UNC13C: variants seen among roughly 807,000 people sequenced by gnomAD.
UNC13C encodes unc-13 homolog C.
In UNC13C, 174 loss-of-function variants were observed where a neutral mutation model predicts 245.4. The observed-to-expected ratio is 0.71, with a 90% CI of 0.63 to 0.80. The LOEUF is 0.80. Among genes scored for constraint, UNC13C ranks in the 30% least tolerant of loss-of-function variants. UNC13C has a pLI of 0.00. For missense variants in UNC13C, 2,829 were observed against 2,602.9 expected (o/e 1.09, Z -1.89); for synonymous variants, 992 against 895.1 (o/e 1.11, Z -1.93).
At chr15:54,558,615 G>GAA (rs1897180602) in intron 29 of UNC13C, among the ~76,000 whole-genome samples, 1 of 151,738 alleles carries the variant, frequency 6.6e-6, no homozygotes, top group South Asian at 2.1e-4. Flanking sequence ...ACTTTAATTG[G>GAA]ACTGGAACTA....
At chr15:54,124,525 G>C in intron 2 of UNC13C, among the ~76,000 whole-genome samples, 1 of 152,058 alleles carries the variant, frequency 6.6e-6, no homozygotes, top group Non-Finnish European at 1.5e-5. Context: ...ACATATTACA[G>C]AAACTAGTCC....
chr15:54,542,863 C>T (rs767567845), intron 26 of UNC13C, among the ~76,000 whole-genome samples: 1 of 152,102 alleles, frequency 6.6e-6, no homozygotes, highest in African/African-American at 2.4e-5. Flanking sequence ...TAATATTCCT[C>T]CATTCCTTTA....
the UNC13C span, among the ~76,000 whole-genome samples, chr15:53,881,871 A>G: frequency 6.6e-6 from 1 of 152,208 alleles, no homozygotes; most frequent in Admixed American, 6.5e-5. Context: ...CATCATGCCT[A>G]TAACCCACAT....
chr15:54,582,097 A>G (rs1898228029), intron 30 of UNC13C, among the ~76,000 whole-genome samples: 1 of 151,612 alleles, frequency 6.6e-6, no homozygotes, highest in Non-Finnish European at 1.5e-5. Context: ...AGAGGGAGGG[A>G]ATGAGGACGG....
chr15:54,200,790 G>A (rs370942496), intron 4 of UNC13C, among the ~76,000 whole-genome samples: 1 of 151,750 alleles, frequency 6.6e-6, no homozygotes, highest in Admixed American at 6.6e-5. Flanking sequence ...CCAAACCCAA[G>A]CCCAGCAGAA....
intron 4 of UNC13C, among the ~76,000 whole-genome samples, chr15:54,186,856 T>TATA (rs1567079918): frequency 1.7e-5 from 2 of 120,260 alleles, no homozygotes; most frequent in Admixed American, 7.5e-5. Flanking sequence ...TATATATATA[T>TATA]TTTGTTTTTT....
intron 22 of UNC13C, among the ~76,000 whole-genome samples, chr15:54,503,634 A>G (rs1335045131): frequency 6.6e-6 from 1 of 152,096 alleles, no homozygotes. Flanking sequence ...GGGTTTCTCC[A>G]TGTTGGCCAG....
intron 28 of UNC13C, among the ~76,000 whole-genome samples, chr15:54,552,485 ATATATTATATTATATATAATTATAT>A (rs1896805943): frequency 6.5e-5 from 3 of 46,152 alleles, no homozygotes; most frequent in African/African-American, 1.2e-4. Flanking sequence ...TAATATAATT[ATATATTATATTATATATAATTATAT>A]ATTATATATT....
chr15:54,514,887 C>T (rs1894902404), intron 24 of UNC13C, among the ~76,000 whole-genome samples: 1 of 152,128 alleles, frequency 6.6e-6, no homozygotes, highest in Admixed American at 6.5e-5. Context: ...CATTGTTAGA[C>T]AGTTGCATGC....
chr15:54,545,272 C>T (rs931687190), intron 26 of UNC13C, among the ~76,000 whole-genome samples: 1 of 152,168 alleles, frequency 6.6e-6, no homozygotes, highest in Non-Finnish European at 1.5e-5. Flanking sequence ...TGGACCCCTT[C>T]CTTACACCTT....
chr15:54,614,587 A>C (rs930973597), intron 30 of UNC13C, among the ~76,000 whole-genome samples: 28 of 151,942 alleles, frequency 1.8e-4, no homozygotes, highest in Admixed American at 5.3e-4. Context: ...AAGTTTTGAA[A>C]ATTACTTTTT....
At chr15:53,975,348 A>G (rs1377118012), upstream of UNC13C, among the ~76,000 whole-genome samples, 4 of 152,192 alleles carry the variant, frequency 2.6e-5, no homozygotes, top group East Asian at 7.7e-4. Flanking sequence ...TTTTAAACAT[A>G]ATCATATTTT....
intron 2 of UNC13C, among the ~76,000 whole-genome samples, chr15:54,113,143 T>C (rs2141178771): frequency 6.6e-6 from 1 of 152,192 alleles, no homozygotes; most frequent in African/African-American, 2.4e-5. Flanking sequence ...ACCCCTTAAA[T>C]TGCAAACTCG....
Position 54,095,543 on chromosome 15 carries a change from G to A in UNC13C, c.2984-47475G>A, listed in dbSNP as rs149437097. ...CACCTATTCAGTAGATTGATATTCA[G>A]TTTGTGGTCTTAGTACCAGCAGCAG... On this transcript the variant is annotated intron_variant, in intron 2 of 32. Coordinates refer to ENST00000260323, the MANE Select transcript of UNC13C (RefSeq NM_001080534.3). Among the ~76,000 whole-genome samples, 464 of 152,286 alleles carry A rather than the reference G, an allele frequency of 3.0e-3. 3 individuals are homozygous for A. Among genetic ancestry groups the A allele is most frequent in the African/African-American group, 0.011 (437 of 41,566 alleles).
At chr15:54,053,982 T>A (rs1042599797) in intron 2 of UNC13C, among the ~76,000 whole-genome samples, 2 of 152,212 alleles carry the variant, frequency 1.3e-5, no homozygotes, top group African/African-American at 4.8e-5. Flanking sequence ...TCATTCTTTT[T>A]TATAGCTGAA....
chr15:53,976,455 C>CTT (rs201004679), upstream of UNC13C, among the ~76,000 whole-genome samples: 142 of 83,870 alleles, frequency 1.7e-3, 7 homozygotes, highest in South Asian at 2.5e-3. Flanking sequence ...TTTTTTTCTT[C>CTT]TTTCTCTCTC....
intron 17 of UNC13C, among the ~76,000 whole-genome samples, chr15:54,346,482 C>G (rs527452202): frequency 6.6e-6 from 1 of 152,234 alleles, no homozygotes; most frequent in South Asian, 2.1e-4. Flanking sequence ...TTGCCTGAAA[C>G]AAGAAATTAA....
At chr15:54,258,175 T>A (rs1254258140) in intron 8 of UNC13C, among the ~76,000 whole-genome samples, 2 of 145,458 alleles carry the variant, frequency 1.4e-5, no homozygotes, top group South Asian at 2.2e-4. Context: ...AAAAAATAAA[T>A]AAGTTATTTT....
At chr15:54,602,357 C>G (rs777363678) in intron 30 of UNC13C, among the ~76,000 whole-genome samples, 1 of 152,100 alleles carries the variant, frequency 6.6e-6, no homozygotes, top group African/African-American at 2.4e-5. Flanking sequence ...AGAGTGAGAA[C>G]AAGAATAGGA....
Sources: gnomAD v4.1 joint callset for allele counts (sites outside exome capture counted in the v4.1 genomes callset) on GRCh38, gnomAD v4.1.1 for gene constraint, MANE v1.5 for transcripts, NCBI Gene and HGNC (gene_info 2026-07-23, HGNC 2026-07-21) for gene names.